CDH13: variants seen among roughly 807,000 people sequenced by gnomAD.
The protein encoded by CDH13 is cadherin 13.
CDH13 carries 24 observed loss-of-function variants against 63.8 expected under a neutral mutation model. The ratio of observed to expected loss-of-function variants is 0.38; its 90% CI spans 0.27 to 0.53. CDH13 has a LOEUF of 0.53. Among genes scored for constraint, CDH13 ranks in the 20% least tolerant of loss-of-function variants. The pLI is 0.85. For missense variants in CDH13, 1,049 were observed against 903.1 expected (o/e 1.16, Z -2.07); for synonymous variants, 503 against 355.3 (o/e 1.42, Z -4.67).
chr16:83,253,578 C>G (rs1025922550), intron 5 of CDH13, among the ~76,000 whole-genome samples: 1 of 152,212 alleles, frequency 6.6e-6, no homozygotes, highest in Admixed American at 6.5e-5. Context: ...ACCTCAGGGG[C>G]TGCTCAGCCC....
At chr16:82,872,447 C>T (rs1390689341) in intron 2 of CDH13, among the ~76,000 whole-genome samples, 1 of 152,180 alleles carries the variant, frequency 6.6e-6, no homozygotes, top group Non-Finnish European at 1.5e-5. Flanking sequence ...GTTACAGGAG[C>T]ATCTCCTAAT....
chr16:82,932,230 C>T (rs1431125479), intron 2 of CDH13, among the ~76,000 whole-genome samples: 2 of 151,978 alleles, frequency 1.3e-5, no homozygotes, highest in African/African-American at 2.4e-5. Context: ...TGTGTCCTGC[C>T]CAACATTGAC....
At chr16:83,069,629 T>C (rs1002556225) in intron 3 of CDH13, among the ~76,000 whole-genome samples, 2 of 152,172 alleles carry the variant, frequency 1.3e-5, no homozygotes, top group African/African-American at 4.8e-5. Flanking sequence ...TATGCCATGC[T>C]GCCTCTCAGA....
chr16:83,091,521 A>T (rs2033911785), intron 3 of CDH13, among the ~76,000 whole-genome samples: 1 of 152,196 alleles, frequency 6.6e-6, no homozygotes, highest in African/African-American at 2.4e-5. Context: ...AACTGCCTTC[A>T]TTCCTTGGGG....
chr16:82,720,583 G>C (rs2032705786), intron 1 of CDH13, among the ~76,000 whole-genome samples: 1 of 152,026 alleles, frequency 6.6e-6, no homozygotes, highest in Non-Finnish European at 1.5e-5. Context: ...ACTTTGGGAT[G>C]TGGGAGGAAA....
At chr16:83,022,794 T>G (rs1191981053) in intron 2 of CDH13, among the ~76,000 whole-genome samples, 1 of 152,194 alleles carries the variant, frequency 6.6e-6, no homozygotes, top group Non-Finnish European at 1.5e-5. Context: ...TACAAATACA[T>G]GCAAACTCTA....
At chr16:83,066,111 CA>C (rs1234890085) in intron 3 of CDH13, among the ~76,000 whole-genome samples, 1 of 152,170 alleles carries the variant, frequency 6.6e-6, no homozygotes, top group Non-Finnish European at 1.5e-5. Context: ...ACGATAGTGA[CA>C]GCTTAAAGAT....
At chr16:83,091,148 T>A (rs72796299) in intron 3 of CDH13, among the ~76,000 whole-genome samples, 7,511 of 152,250 alleles carry the variant, frequency 0.049, 276 homozygotes, top group Non-Finnish European at 0.071. Flanking sequence ...GGGAAATATT[T>A]TAGTGATCTC....
intron 8 of CDH13, among the ~76,000 whole-genome samples, chr16:83,616,700 C>G (rs1211628067): frequency 6.6e-6 from 1 of 152,122 alleles, no homozygotes; most frequent in East Asian, 1.9e-4. Flanking sequence ...AATAGAAAGC[C>G]AAGAGCAGCA....
intron 7 of CDH13, among the ~76,000 whole-genome samples, chr16:83,538,959 C>T (rs937722791): frequency 2.0e-5 from 3 of 152,184 alleles, no homozygotes; most frequent in Non-Finnish European, 2.9e-5. Flanking sequence ...CACACTTGAA[C>T]CCATATAAAC....
At chr16:82,713,665 C>A (rs957413785) in intron 1 of CDH13, among the ~76,000 whole-genome samples, 2 of 152,050 alleles carry the variant, frequency 1.3e-5, no homozygotes, top group African/African-American at 4.8e-5. Context: ...ATTAAAAAGC[C>A]AGCAAAAGCA....
At chr16:83,533,250 A>C (rs775219751) in intron 7 of CDH13, among the ~76,000 whole-genome samples, 5 of 152,152 alleles carry the variant, frequency 3.3e-5, no homozygotes, top group Non-Finnish European at 5.9e-5. Context: ...CTCACTTTTC[A>C]TTGGTGTGTA....
intron 5 of CDH13, among the ~76,000 whole-genome samples, chr16:83,323,504 C>G (rs564373714): frequency 6.6e-6 from 1 of 151,836 alleles, no homozygotes; most frequent in Non-Finnish European, 1.5e-5. Context: ...TGCTCTCAAA[C>G]GCCTGACTTC....
chr16:82,721,143 T>C (rs561749094), intron 1 of CDH13, among the ~76,000 whole-genome samples: 1 of 152,326 alleles, frequency 6.6e-6, no homozygotes, highest in East Asian at 1.9e-4. Context: ...TTAACAAACA[T>C]TCATTGAGCA....
intron 6 of CDH13, among the ~76,000 whole-genome samples, chr16:83,357,564 A>G (rs904548250): frequency 3.3e-5 from 5 of 152,172 alleles, no homozygotes; most frequent in African/African-American, 1.2e-4. Flanking sequence ...CAGTGGTCCA[A>G]GTTTGAATGA....
intron 2 of CDH13, among the ~76,000 whole-genome samples, chr16:82,977,108 C>T (rs1909623039): frequency 6.6e-6 from 1 of 152,208 alleles, no homozygotes; most frequent in African/African-American, 2.4e-5. Flanking sequence ...CAAATTTATG[C>T]TAAAGGCTTC....
chr16:83,479,865 G>A (rs902265132), intron 6 of CDH13, among the ~76,000 whole-genome samples: 5 of 152,168 alleles, frequency 3.3e-5, no homozygotes, highest in African/African-American at 1.2e-4. Context: ...ATAGATACAC[G>A]GTATTCTATA....
chr16:83,659,251 C>T (rs902885957), intron 8 of CDH13, among the ~76,000 whole-genome samples: 1 of 149,198 alleles, frequency 6.7e-6, no homozygotes, highest in African/African-American at 2.5e-5. Context: ...TCCTCACCAC[C>T]AGGTCCCATG....
At chr16:83,150,281 T>C (rs1272636341) in intron 4 of CDH13, among the ~76,000 whole-genome samples, 1 of 152,200 alleles carries the variant, frequency 6.6e-6, no homozygotes, top group Non-Finnish European at 1.5e-5. Flanking sequence ...AAAGTAATAA[T>C]AATGACATCC....
Sources: allele counts gnomAD v4.1 joint callset (sites outside exome capture counted in the v4.1 genomes callset), GRCh38; gene constraint gnomAD v4.1.1; transcripts MANE v1.5; gene names NCBI Gene and HGNC (gene_info 2026-07-23, HGNC 2026-07-21).